The following PRKD2 variants were observed in gnomAD, a reference collection of about 807,000 sequenced individuals.
PRKD2 encodes serine/threonine-protein kinase D2.
A neutral mutation model predicts 86.0 loss-of-function variants in PRKD2; 22 were observed. That is an observed-to-expected ratio of 0.26 (90% CI 0.18 to 0.37). The LOEUF is 0.37. Among genes scored for constraint, PRKD2 ranks in the 10% least tolerant of loss-of-function variants. The pLI is 1.00. For synonymous variants in PRKD2, 509 were observed against 510.9 expected (o/e 1.00, Z 0.05); for missense variants, 818 against 1,199.2 (o/e 0.68, Z 4.70).
chr19:46,674,740 G>T lies in PRKD2; in HGVS notation c.2425-5C>A, dbSNP rs369880045. 6.2e-7 allele frequency: 1 copy of T among 1,602,798 alleles called. No homozygotes were observed. The highest frequency in any genetic ancestry group is 8.5e-7 in the Non-Finnish European group (1 of 1,179,214). ...GTCCAGCCACGTCTGGTACTCCTGG[G>T]CCCGAGAGAACTGGGGTTAGCTTGG... On this transcript the variant is annotated splice_region_variant and splice_polypyrimidine_tract_variant and intron_variant, in intron 17 of 17. Coordinates refer to ENST00000291281, the MANE Select transcript of PRKD2 (RefSeq NM_016457.5).
chr19:46,680,944 A>AT (rs1460783932), intron 15 of PRKD2, among the ~76,000 whole-genome samples: 50 of 43,074 alleles, frequency 1.2e-3, no homozygotes, highest in African/African-American at 1.4e-3. Context: ...ATATATATAT[A>AT]TATTTTTTTT....
Position 46,697,593 on chromosome 19 carries a change from G to C in PRKD2, c.1239+140C>G, listed in dbSNP as rs1161125250. ...AGCCCACACTTCTAATTCTAGCCCC[G>C]CCTCCAGCACGGCCCAGCCCACTAC... is the stretch of plus-strand genomic sequence containing the variant. On this transcript the variant is annotated intron_variant, in intron 8 of 17. Transcript: ENST00000291281. 5.6e-6 allele frequency: 4 copies of C among 718,036 alleles called. No individual in the cohort carries two copies. In the East Asian group the frequency reaches 8.3e-5, roughly 15 times the overall value. 44.5% of individuals were successfully genotyped at this position (718,036 alleles called of 1,614,324 possible). A position where few individuals can be genotyped will look rare whatever the true frequency, so the allele number is the denominator to read the frequency against.
intron 15 of PRKD2, among the ~76,000 whole-genome samples, chr19:46,680,946 A>ATATATATATATATATATATAT: frequency 2.7e-3 from 129 of 48,224 alleles, no homozygotes; most frequent in Non-Finnish European, 4.1e-3. Flanking sequence ...ATATATATAT[A>ATATATATATATATATATATAT]TTTTTTTTTT....
intron 16 of PRKD2, among the ~76,000 whole-genome samples, chr19:46,676,436 A>G (rs1433785491): frequency 2.6e-5 from 4 of 152,192 alleles, no homozygotes; most frequent in African/African-American, 7.2e-5. Context: ...AAAACAAAAC[A>G]AAACAAAACA....
chr19:46,696,268 A>G (rs1381005015), intron 9 of PRKD2, among the ~76,000 whole-genome samples: 2 of 152,036 alleles, frequency 1.3e-5, no homozygotes, highest in Non-Finnish European at 1.5e-5. Flanking sequence ...CTCTAAGACA[A>G]TGGGAGCCAC....
At chr19:46,701,179 T>A in intron 5 of PRKD2, 67 bp from the exon 6 acceptor site, 1 of 1,513,950 alleles carries the variant, frequency 6.6e-7, no homozygotes, top group Non-Finnish European at 9.2e-7. Context: ...GGCTTGAACC[T>A]TGACCCTAAG....
intron 9 of PRKD2, among the ~76,000 whole-genome samples, chr19:46,696,284 G>A (rs2053556216): frequency 6.6e-6 from 1 of 152,084 alleles, no homozygotes; most frequent in Non-Finnish European, 1.5e-5. Flanking sequence ...GCCACTGGGG[G>A]GTTTGACGGT....
chr19:46,680,227 C>T (rs1397949561), intron 15 of PRKD2, among the ~76,000 whole-genome samples: 2 of 152,134 alleles, frequency 1.3e-5, no homozygotes, highest in African/African-American at 4.8e-5. Context: ...TTCTACAGAT[C>T]TTATAGCTCT....
Position 46,693,641 on chromosome 19 carries a change from T to C in PRKD2, c.1576+234A>G, listed in dbSNP as rs554015782. ...TTTGTAGAGATGGAATCTCATTATG[T>C]TGCCCAGGCTGGTCTTGAACTCCTG... On this transcript the variant is annotated intron_variant, in intron 10 of 17. Transcript: ENST00000291281. The surrounding 1 kb of genome is among the most constrained non-coding windows in gnomAD (Gnocchi z 4.5). 1.1e-3 allele frequency among the ~76,000 whole-genome samples: 175 copies of C among 152,288 alleles called. No individual in the cohort carries two copies. Among genetic ancestry groups the C allele is most frequent in the African/African-American group, 4.0e-3 (168 of 41,572 alleles).
chr19:46,715,815 C>A (rs904352962), intron 1 of PRKD2, among the ~76,000 whole-genome samples: 9 of 151,844 alleles, frequency 5.9e-5, no homozygotes, highest in Non-Finnish European at 1.2e-4. Flanking sequence ...GGAGGTCCGC[C>A]GACATCTGCT....
In PRKD2 at chr19:46,693,977, G is replaced by A; in HGVS notation, c.1474C>T (p.Gln492Ter). The A allele has an allele frequency of 6.2e-7, 1 of 1,613,102 alleles. No homozygotes were observed. Residue 492 changes from glutamine (Q) to a stop codon, truncating the protein, a stop_gained, in exon 10 of 18, where the codon CAG (glutamine) becomes TAG (stop). Transcript: ENST00000291281. LOFTEE classifies it high-confidence loss of function. The surrounding 1 kb of genome is among the most constrained non-coding windows in gnomAD (Gnocchi z 4.5). ...PGGTPGGPSG[Q>*]GAEAARGWET... ...CAGCCCCGGGCGGCCTCAGCCCCCT[G>A]CCCACTTGGCCCACCCGGAGTCCCG...
chr19:46,680,946 A>ATATATATATATATTTTT lies in PRKD2; in HGVS notation c.2070+703_2070+704insAAAAATATATATATATA. Among the ~76,000 whole-genome samples, 39 of 48,210 alleles carry ATATATATATATATTTTT rather than the reference A, an allele frequency of 8.1e-4. 2 individuals are homozygous for ATATATATATATATTTTT. The highest frequency in any genetic ancestry group is 1.2e-3 in the African/African-American group (17 of 14,184). The allele number at this position is 48,210 out of a possible 152,430, so 31.6% of individuals were successfully genotyped here. On this transcript the variant is annotated intron_variant, in intron 15 of 17. Transcript: ENST00000291281. ...AAACTATATATATATATATATATAT[A>ATATATATATATATTTTT]TTTTTTTTTTTTTTTTTGAGACAGA...
chr19:46,703,958 AACACACACAC>A lies in PRKD2; in HGVS notation c.889+201_889+210del, dbSNP rs10528388. Among the ~76,000 whole-genome samples, 141 of 133,742 alleles carry A rather than the reference AACACACACAC, an allele frequency of 1.1e-3. 2 individuals carry two copies. The highest frequency in any genetic ancestry group is 4.1e-3 in the South Asian group (16 of 3,940). 87.7% of individuals were successfully genotyped at this position (133,742 alleles called of 152,430 possible). A position where few individuals can be genotyped will look rare whatever the true frequency, so the allele number is the denominator to read the frequency against. ...CACCCTGTCTCCAAAAAACAACAAC[AACACACACAC>A]ACACACACACACACACACACACACA... On this transcript the variant is annotated intron_variant, in intron 5 of 17. Coordinates refer to ENST00000291281, the MANE Select transcript of PRKD2 (RefSeq NM_016457.5).
chr19:46,704,625 C>T lies in PRKD2; in HGVS notation c.536G>A (p.Arg179His). The T allele has an allele frequency of 6.2e-7, 1 of 1,611,208 alleles. No homozygotes were observed. The highest frequency in any genetic ancestry group is 2.2e-5 in the East Asian group (1 of 44,832). ...CDGCGLNYHK[R>H]CAFSIPNNCS... Reference sequence around the variant, plus strand: ...GTTGTTGGGGATGCTGAAGGCACAGCGCTTGTGGTAGTTCAGCCCGCAGCC... The same window carrying T: ...GTTGTTGGGGATGCTGAAGGCACAGTGCTTGTGGTAGTTCAGCCCGCAGCC... The change falls in exon 4 of 18, where the codon CGC becomes CAC. Residue 179 changes from arginine to histidine, a missense_variant. Physicochemically the swap from Arg to His is conservative, Grantham distance 29. Around this residue, in one of 5 missense-constraint regions of PRKD2, gnomAD observed 403 missense variants for 518.6 expected, o/e 0.78. Coordinates refer to ENST00000291281, the MANE Select transcript of PRKD2 (RefSeq NM_016457.5).
At chr19:46,697,421 T>C (rs1599829121) in intron 8 of PRKD2, 187 bp from the exon 9 acceptor site, 1 of 253,218 alleles carries the variant, frequency 3.9e-6, no homozygotes, top group South Asian at 3.6e-5. Context: ...GCCTTAACCC[T>C]AGCCCAGCCC....
Position 46,697,144 on chromosome 19 carries a change from C to T in PRKD2, c.1317+13G>A, listed in dbSNP as rs766924367. The T allele has an allele frequency of 1.3e-6, 2 of 1,553,692 alleles. No homozygotes were observed. Among genetic ancestry groups the T allele is most frequent in the South Asian group, 2.2e-5 (2 of 89,770 alleles). Reference sequence around the variant, plus strand: ...GCGGGAAGTCCGAGGGAGCTGAAAGCCCGGAGGCTTACCTTATAGTATCTG... The same window carrying T: ...GCGGGAAGTCCGAGGGAGCTGAAAGTCCGGAGGCTTACCTTATAGTATCTG... On this transcript the variant is annotated intron_variant, in intron 9 of 17. Transcript: ENST00000291281.
At chr19:46,680,581 G>A (rs1190552347) in intron 15 of PRKD2, among the ~76,000 whole-genome samples, 1 of 150,796 alleles carries the variant, frequency 6.6e-6, no homozygotes, top group African/African-American at 2.4e-5. Context: ...GAGCCGCTGC[G>A]CTCAACCAGA....
At position 46,716,155 on chromosome 19, in the gene PRKD2, C is replaced by T; in HGVS notation, c.216G>A (p.Leu72=). 1.1e-5 allele frequency: 17 copies of T among 1,611,624 alleles called. No homozygotes were observed. The highest frequency in any genetic ancestry group is 1.4e-5 in the Non-Finnish European group (17 of 1,179,454). ...AASELAHVKQ[L]ACSIVDQKFP... is the part of the protein sequence containing the mutation. ...CCTTCTGGTCCACGATGGAACAGGC[C>T]AGCTGCTTCACATGAGCCAGCTCGG... is the stretch of plus-strand genomic sequence containing the variant. Residue 72 remains leucine, a synonymous_variant, in exon 1 of 18, where the codon CTG becomes CTA. Transcript: ENST00000291281. This position sits in a 1 kb window ranked among gnomAD's most constrained non-coding sequence, Gnocchi z 7.9.
chr19:46,679,244 C>T (rs1342080003), intron 15 of PRKD2, among the ~76,000 whole-genome samples: 1 of 152,030 alleles, frequency 6.6e-6, no homozygotes, highest in African/African-American at 2.4e-5. Flanking sequence ...GCAGGAGAAT[C>T]GCCTGAACCT....
Sources: allele counts gnomAD v4.1 joint callset (sites outside exome capture counted in the v4.1 genomes callset), GRCh38; gene constraint gnomAD v4.1.1; regional missense constraint gnomAD v4.1.1; non-coding constraint Gnocchi (gnomAD v3.1); transcripts MANE v1.5; gene names NCBI Gene and HGNC (gene_info 2026-07-23, HGNC 2026-07-21).